The following USP7 variants were observed in gnomAD, a reference collection of about 807,000 sequenced individuals.
The protein encoded by USP7 is ubiquitin C-terminal hydrolase 7.
A neutral mutation model predicts 162.9 loss-of-function variants in USP7; 9 were observed. The observed-to-expected ratio is 0.06, with a 90% CI of 0.03 to 0.10. The LOEUF (loss-of-function observed/expected upper bound fraction) is 0.10. Among genes scored for constraint, USP7 ranks in the 10% least tolerant of loss-of-function variants. The pLI, the probability that USP7 is intolerant of heterozygous loss-of-function variation, is 1.00. For missense variants in USP7, 715 were observed against 1,373.7 expected (o/e 0.52, Z 7.58); for synonymous variants, 562 against 475.9 (o/e 1.18, Z -2.35).
At chr16:8,957,680 C>G (rs1321867065) in intron 1 of USP7, among the ~76,000 whole-genome samples, 1 of 151,702 alleles carries the variant, frequency 6.6e-6, no homozygotes, top group Non-Finnish European at 1.5e-5. Context: ...ATCACCTGAG[C>G]CCGGAAGTTT....
At chr16:8,941,782 G>A (rs1021957356) in intron 1 of USP7, among the ~76,000 whole-genome samples, 10 of 152,172 alleles carry the variant, frequency 6.6e-5, no homozygotes, top group African/African-American at 9.7e-5. Flanking sequence ...TGAGACCACC[G>A]GCCAGCCACT....
chr16:8,895,254 T>C, intron 27 of USP7, 104 bp from the exon 28 acceptor site: 2 of 1,560,368 alleles, frequency 1.3e-6, no homozygotes, highest in Non-Finnish European at 1.7e-6. Context: ...GTAAAGCCTA[T>C]TTTTGCTAAA....
At chr16:8,918,788 G>T (rs952866059) in intron 6 of USP7, among the ~76,000 whole-genome samples, 2 of 152,144 alleles carry the variant, frequency 1.3e-5, no homozygotes, top group African/African-American at 4.8e-5. Flanking sequence ...CAGCCTGGGC[G>T]ACAGAGCAAG....
intron 1 of USP7, among the ~76,000 whole-genome samples, chr16:8,955,863 T>C (rs1398976372): frequency 6.6e-6 from 1 of 152,154 alleles, no homozygotes; most frequent in Non-Finnish European, 1.5e-5. Context: ...TTGCTCAGCC[T>C]ACACATTCAG....
At chr16:8,921,758 T>C (rs1346373999) in intron 3 of USP7, among the ~76,000 whole-genome samples, 1 of 152,096 alleles carries the variant, frequency 6.6e-6, no homozygotes, top group African/African-American at 2.4e-5. Context: ...ATCGACGAAT[T>C]CACGATGAGG....
intron 21 of USP7, 62 bp downstream of exon 21, chr16:8,900,468 C>A (rs74483636): frequency 1.5e-6 from 2 of 1,312,416 alleles, no homozygotes; most frequent in South Asian, 1.5e-5. Flanking sequence ...TTTCTTGGTT[C>A]TACAACTTAA....
At chr16:8,908,056 G>C (rs1216531337) in intron 12 of USP7, among the ~76,000 whole-genome samples, 1 of 152,230 alleles carries the variant, frequency 6.6e-6, no homozygotes, top group Non-Finnish European at 1.5e-5. Context: ...CTGTGAAGCA[G>C]AAACAGCCCC....
intron 12 of USP7, among the ~76,000 whole-genome samples, chr16:8,907,214 C>G (rs547487166): frequency 1.3e-5 from 2 of 152,202 alleles, no homozygotes; most frequent in Non-Finnish European, 2.9e-5. Context: ...TATGTGAAAT[C>G]TCACAATTTA....
intron 1 of USP7, among the ~76,000 whole-genome samples, chr16:8,945,671 A>G (rs916259836): frequency 6.6e-6 from 1 of 152,182 alleles, no homozygotes; most frequent in Non-Finnish European, 1.5e-5. Context: ...TCCAATTAAA[A>G]AGCAGGATTT....
chr16:8,900,177 G>A (rs1449799332), intron 21 of USP7: 1 of 328,876 alleles, frequency 3.0e-6, no homozygotes, highest in African/African-American at 2.2e-5. Context: ...ACCAAAGACT[G>A]GCTGGTTTAC....
At chr16:8,944,630 A>G (rs1007648900) in intron 1 of USP7, among the ~76,000 whole-genome samples, 1 of 152,222 alleles carries the variant, frequency 6.6e-6, no homozygotes, top group African/African-American at 2.4e-5. Context: ...CACAGAAAGA[A>G]AACTATTTTT....
intron 1 of USP7, among the ~76,000 whole-genome samples, chr16:8,933,443 AAGGAG>A (rs1898489943): frequency 6.6e-6 from 1 of 152,196 alleles, no homozygotes; most frequent in African/African-American, 2.4e-5. Flanking sequence ...TTTATTAGAA[AAGGAG>A]AGTCCTGTGT....
intron 1 of USP7, among the ~76,000 whole-genome samples, chr16:8,944,947 A>C (rs934038572): frequency 9.9e-5 from 15 of 152,162 alleles, no homozygotes; most frequent in African/African-American, 3.6e-4. Flanking sequence ...GCCTCTACTA[A>C]AAATACAAAA....
chr16:8,958,424 C>T (rs1899891218), intron 1 of USP7, among the ~76,000 whole-genome samples: 1 of 152,212 alleles, frequency 6.6e-6, no homozygotes. Context: ...GACACCAAGT[C>T]CTTTTCAGCA....
At position 8,914,768 on chromosome 16, in the gene USP7, A is replaced by C. The variant is rs1267665288; in HGVS notation, c.1078+486T>G. On this transcript the variant is annotated intron_variant, in intron 10 of 30. Transcript: ENST00000344836. ...CCCCATCTCTTAACCAAAAAAAAAAAATTAGCTGGGTGTGGTGGCACACGC... is the reference window on the plus strand; with the variant it reads ...CCCCATCTCTTAACCAAAAAAAAAACATTAGCTGGGTGTGGTGGCACACGC... Among the ~76,000 whole-genome samples the C allele has an allele frequency of 7.2e-5, 11 of 152,036 alleles. No individual in the cohort carries two copies. In the East Asian group the frequency reaches 2.1e-3, roughly 29 times the overall value.
intron 1 of USP7, among the ~76,000 whole-genome samples, chr16:8,944,839 C>T (rs148153003): frequency 1.5e-3 from 229 of 152,298 alleles, no homozygotes; most frequent in African/African-American, 5.1e-3. Context: ...GACACAGTGG[C>T]TCATGCCTGT....
Position 8,905,250 on chromosome 16 carries a change from C to T in USP7, c.1510G>A (p.Asp504Asn). The change falls in exon 14 of 31, where the codon GAC (aspartate) becomes AAC (asparagine). Residue 504 changes from aspartate (D) to asparagine (N), a missense_variant. Around this residue, in one of 11 missense-constraint regions of USP7, gnomAD observed 197 missense variants for 306.5 expected, o/e 0.64. Transcript: ENST00000344836. Reference sequence around the variant, plus strand: ...TTAGTGCAGTGTCGAACAGACAGGTCGTCATCGTGACCCCCATAATTGTGC... The same window carrying T: ...TTAGTGCAGTGTCGAACAGACAGGTTGTCATCGTGACCCCCATAATTGTGC... ...IEHNYGGHDD[D>N]LSVRHCTNAY... 6.2e-7 allele frequency: 1 copy of T among 1,614,156 alleles called. No individual in the cohort carries two copies. The highest frequency in any genetic ancestry group is 8.5e-7 in the Non-Finnish European group (1 of 1,180,016).
At chr16:8,903,434 T>G in intron 15 of USP7, 32 bp from the exon 16 acceptor site, 1 of 1,601,624 alleles carries the variant, frequency 6.2e-7, no homozygotes, top group Non-Finnish European at 8.5e-7. Context: ...CAGAAAAGAC[T>G]TGACAACTGA....
chr16:8,919,955 G>T (rs915652423), intron 5 of USP7, among the ~76,000 whole-genome samples: 3 of 152,128 alleles, frequency 2.0e-5, no homozygotes, highest in African/African-American at 7.2e-5. Context: ...CATGTTAGTT[G>T]TCGGTGATGC....
Sources: gnomAD v4.1 joint callset for allele counts (sites outside exome capture counted in the v4.1 genomes callset) on GRCh38, gnomAD v4.1.1 for gene constraint, gnomAD v4.1.1 regional missense constraint, MANE v1.5 for transcripts, NCBI Gene and HGNC (gene_info 2026-07-23, HGNC 2026-07-21) for gene names.